Variants in EVI5 observed in about 807,000 individuals in gnomAD.
EVI5 encodes the protein ecotropic viral integration site 5 protein homolog.
EVI5 carries 73 observed loss-of-function variants against 112.0 expected under a neutral mutation model. The observed-to-expected ratio is 0.65, with a 90% CI of 0.54 to 0.79. The LOEUF is 0.79. EVI5 is among the 30% of genes least tolerant of loss of function. EVI5 has a pLI of 0.00. For missense variants in EVI5, 900 were observed against 968.8 expected (o/e 0.93, Z 0.94); for synonymous variants, 305 against 319.9 (o/e 0.95, Z 0.50).
Position 92,550,633 on chromosome 1 carries a change from G to C in EVI5, c.2166+13009C>G, listed in dbSNP as rs1427373412. On this transcript the variant is annotated intron_variant, in intron 19 of 19. Transcript: ENST00000684568. ...ATAGTGGTGGGCGCCTGTAGTCCCA[G>C]CTACTTGGGAGGCTGAGGCAGGGGA... Among the ~76,000 whole-genome samples the C allele has an allele frequency of 4.8e-5, 7 of 147,158 alleles. 1 individual carries two copies. In the South Asian group the frequency reaches 1.5e-3, roughly 32 times the overall value.
At chr1:92,555,592 G>A (rs1411098082) in intron 19 of EVI5, among the ~76,000 whole-genome samples, 1 of 152,136 alleles carries the variant, frequency 6.6e-6, no homozygotes, top group East Asian at 1.9e-4. Flanking sequence ...GCTCATGCTT[G>A]TAATCCTAGC....
At chr1:92,611,584 C>T (rs1484206852) in intron 16 of EVI5, among the ~76,000 whole-genome samples, 6 of 150,812 alleles carry the variant, frequency 4.0e-5, no homozygotes, top group Non-Finnish European at 5.9e-5. Flanking sequence ...CGCCTGTACT[C>T]CCAACTCGGG....
intron 16 of EVI5, among the ~76,000 whole-genome samples, chr1:92,610,211 T>C (rs1175812830): frequency 6.6e-6 from 1 of 152,202 alleles, no homozygotes; most frequent in Non-Finnish European, 1.5e-5. Context: ...AATCAACAAA[T>C]AAGTCTGTCT....
chr1:92,724,896 T>C (rs1675324770), intron 2 of EVI5, among the ~76,000 whole-genome samples: 1 of 152,106 alleles, frequency 6.6e-6, no homozygotes, highest in East Asian at 1.9e-4. Flanking sequence ...ATAAGTAAAG[T>C]AAACTCTGTG....
upstream of EVI5, among the ~76,000 whole-genome samples, chr1:92,786,508 A>G (rs905191840): frequency 3.7e-4 from 57 of 152,240 alleles, no homozygotes; most frequent in African/African-American, 1.3e-3. Flanking sequence ...AGCAAATTCT[A>G]TTGGTTTTTC....
At chr1:92,514,020 C>T (rs1659475315) in intron 19 of EVI5, 50 bp from the exon 20 acceptor site, 2 of 1,129,976 alleles carry the variant, frequency 1.8e-6, no homozygotes, top group Non-Finnish European at 2.5e-6. Flanking sequence ...GAAACACACA[C>T]ACGCCAAAAA....
At chr1:92,697,026 C>T (rs1009659864) in intron 6 of EVI5, among the ~76,000 whole-genome samples, 2 of 151,792 alleles carry the variant, frequency 1.3e-5, no homozygotes, top group African/African-American at 2.4e-5. Flanking sequence ...GGCCACAGAG[C>T]GAGACTCCAT....
rs577876200 is a variant in EVI5, at chr1:92,589,750, C to A, written c.2070+15557G>T. Among the ~76,000 whole-genome samples, 16 of 152,318 alleles carry A rather than the reference C, an allele frequency of 1.1e-4. No individual in the cohort carries two copies. The East Asian group carries it at 2.1e-3, about 20-fold the overall frequency. On this transcript the variant is annotated intron_variant, in intron 18 of 19. Transcript: ENST00000684568. ...CGCAGACTTAAATGTCCCTGTCTGA[C>A]AGCTTTGAAGAGAGTAGCGGTTCTC... is the stretch of plus-strand genomic sequence containing the variant.
rs540586865 is a variant in EVI5, at chr1:92,630,237, C to T, written c.1528-4303G>A. 9.2e-5 allele frequency among the ~76,000 whole-genome samples: 14 copies of T among 152,246 alleles called. No individual in the cohort carries two copies. In the South Asian group the frequency reaches 1.7e-3, roughly 18 times the overall value. Reference sequence around the variant, plus strand: ...TTCTAGTTCTAGATCCCTGAGGAATCGCCACACTGACTTCCACAATGGTTG... The same window carrying T: ...TTCTAGTTCTAGATCCCTGAGGAATTGCCACACTGACTTCCACAATGGTTG... On this transcript the variant is annotated intron_variant, in intron 14 of 19. Coordinates refer to ENST00000684568, the MANE Select transcript of EVI5 (RefSeq NM_001350197.2).
intron 19 of EVI5, among the ~76,000 whole-genome samples, chr1:92,544,910 TAAATC>T (rs1665427598): frequency 6.6e-6 from 1 of 152,116 alleles, no homozygotes; most frequent in Admixed American, 6.5e-5. Flanking sequence ...CACAATAACT[TAAATC>T]AGACAGGCAG....
At chr1:92,673,943 C>T (rs937877595) in intron 10 of EVI5, among the ~76,000 whole-genome samples, 1 of 152,152 alleles carries the variant, frequency 6.6e-6, no homozygotes, top group African/African-American at 2.4e-5. Context: ...ACACATTTCA[C>T]AACATCAAAG....
chr1:92,732,854 C>A (rs948445329), intron 2 of EVI5, among the ~76,000 whole-genome samples: 4 of 146,962 alleles, frequency 2.7e-5, no homozygotes, highest in Non-Finnish European at 5.9e-5. Flanking sequence ...GAGCAGAGAT[C>A]GCACCACTGC....
intron 16 of EVI5, among the ~76,000 whole-genome samples, chr1:92,616,785 GA>G (rs1450830926): frequency 6.6e-6 from 1 of 152,148 alleles, no homozygotes; most frequent in Non-Finnish European, 1.5e-5. Context: ...TCATAGTCAT[GA>G]AGTGACTATG....
chr1:92,535,712 G>A (rs1381515276), intron 19 of EVI5, among the ~76,000 whole-genome samples: 1 of 151,978 alleles, frequency 6.6e-6, no homozygotes, highest in Non-Finnish European at 1.5e-5. Context: ...TGAACAATGA[G>A]AACACATGGA....
At chr1:92,723,279 T>C (rs1256821033) in intron 2 of EVI5, among the ~76,000 whole-genome samples, 1 of 152,246 alleles carries the variant, frequency 6.6e-6, no homozygotes, top group East Asian at 1.9e-4. Context: ...CAATATCTAA[T>C]TGTCAAATAA....
At chr1:92,618,313 A>T (rs1653683588) in intron 16 of EVI5, among the ~76,000 whole-genome samples, 1 of 151,186 alleles carries the variant, frequency 6.6e-6, no homozygotes, top group African/African-American at 2.4e-5. Flanking sequence ...TTAGTTCCAG[A>T]GGGAGGAACG....
chr1:92,758,863 T>C (rs1279848019), intron 1 of EVI5, among the ~76,000 whole-genome samples: 5 of 151,844 alleles, frequency 3.3e-5, no homozygotes. Flanking sequence ...AGGTGAAAGA[T>C]GATCAAGAGC....
At chr1:92,775,331 G>A (rs1214457062) in intron 1 of EVI5, among the ~76,000 whole-genome samples, 1 of 152,014 alleles carries the variant, frequency 6.6e-6, no homozygotes, top group Non-Finnish European at 1.5e-5. Flanking sequence ...GGAGGCTCAG[G>A]CAGGAGAATA....
intron 2 of EVI5, among the ~76,000 whole-genome samples, chr1:92,726,759 T>C (rs1675632102): frequency 6.6e-6 from 1 of 152,046 alleles, no homozygotes; most frequent in Admixed American, 6.6e-5. Context: ...AAAAGTAAAA[T>C]GCATGACAAA....
Sources: allele counts gnomAD v4.1 joint callset (sites outside exome capture counted in the v4.1 genomes callset), GRCh38; gene constraint gnomAD v4.1.1; transcripts MANE v1.5; gene names NCBI Gene and HGNC (gene_info 2026-07-23, HGNC 2026-07-21).